The following HHAT variants were observed in gnomAD, a reference collection of about 807,000 sequenced individuals.
HHAT encodes protein-cysteine N-palmitoyltransferase HHAT.
Under a neutral mutation model 70.8 loss-of-function variants are expected in HHAT, and 47 were observed. The observed-to-expected ratio is 0.66, with a 90% CI of 0.53 to 0.85. The LOEUF (loss-of-function observed/expected upper bound fraction) is 0.85. Among genes scored for constraint, HHAT ranks in the 40% least tolerant of loss-of-function variants. HHAT has a pLI of 0.00. For missense variants in HHAT, 609 were observed against 604.8 expected, an observed-to-expected ratio of 1.01 and a Z score of -0.07; for synonymous variants, 228 against 247.6, an observed-to-expected ratio of 0.92 and a Z score of 0.74.
At chr1:210,510,250 G>GAGGA (rs1392308163) in intron 8 of HHAT, among the ~76,000 whole-genome samples, 2 of 152,184 alleles carry the variant, frequency 1.3e-5, no homozygotes, top group Non-Finnish European at 2.9e-5. Flanking sequence ...CCATTTCTAT[G>GAGGA]AGGAAGGGCA....
At chr1:210,376,714 A>G (rs2090253242) in intron 3 of HHAT, among the ~76,000 whole-genome samples, 1 of 152,084 alleles carries the variant, frequency 6.6e-6, no homozygotes, top group Admixed American at 6.5e-5. Flanking sequence ...TGTCTCTTGG[A>G]CAGCTTGGGC....
intron 7 of HHAT, among the ~76,000 whole-genome samples, chr1:210,435,928 T>C (rs1053436830): frequency 2.0e-5 from 3 of 151,920 alleles, no homozygotes; most frequent in Admixed American, 6.6e-5. Context: ...TTCACTTTGT[T>C]GATTGTTTCT....
intron 9 of HHAT, among the ~76,000 whole-genome samples, chr1:210,521,559 A>G (rs1004430427): frequency 1.3e-5 from 2 of 152,230 alleles, no homozygotes; most frequent in African/African-American, 4.8e-5. Context: ...CCACAAGTCT[A>G]TCACCACATT....
At chr1:210,336,668 C>G (rs2085527405) in intron 1 of HHAT, among the ~76,000 whole-genome samples, 1 of 151,996 alleles carries the variant, frequency 6.6e-6, no homozygotes, top group Admixed American at 6.6e-5. Flanking sequence ...CCTGCAATCC[C>G]AGCTACTCCT....
intron 11 of HHAT, among the ~76,000 whole-genome samples, chr1:210,642,408 T>C (rs1237121564): frequency 6.6e-6 from 1 of 152,214 alleles, no homozygotes; most frequent in Non-Finnish European, 1.5e-5. Context: ...ATAATATGTG[T>C]ATGTTCAGCT....
chr1:210,380,018 C>A (rs750655026), intron 3 of HHAT, among the ~76,000 whole-genome samples: 1 of 152,154 alleles, frequency 6.6e-6, no homozygotes, highest in South Asian at 2.1e-4. Context: ...GGGCAGATAC[C>A]GGATGCTCCA....
At chr1:210,660,106 G>T (rs1175932119) in intron 11 of HHAT, among the ~76,000 whole-genome samples, 1 of 152,130 alleles carries the variant, frequency 6.6e-6, no homozygotes, top group Non-Finnish European at 1.5e-5. Flanking sequence ...ATTCAATTAG[G>T]AAAAGAGGAA....
chr1:210,557,735 A>G (rs2095585502), intron 9 of HHAT, among the ~76,000 whole-genome samples: 1 of 152,236 alleles, frequency 6.6e-6, no homozygotes, highest in Admixed American at 6.5e-5. Context: ...AGGAAAGACC[A>G]GGCCCTGTGA....
At chr1:210,452,697 T>G (rs1258642913) in intron 7 of HHAT, among the ~76,000 whole-genome samples, 1 of 152,244 alleles carries the variant, frequency 6.6e-6, no homozygotes, top group Non-Finnish European at 1.5e-5. Context: ...ACTTGAGGTT[T>G]TTCTTTAAAA....
intron 9 of HHAT, among the ~76,000 whole-genome samples, chr1:210,542,258 G>A (rs992341924): frequency 6.6e-6 from 1 of 152,134 alleles, no homozygotes; most frequent in Non-Finnish European, 1.5e-5. Flanking sequence ...GAATAAATAG[G>A]TAGGGGTGGG....
At chr1:210,550,048 A>C (rs1344459393) in intron 9 of HHAT, among the ~76,000 whole-genome samples, 1 of 149,008 alleles carries the variant, frequency 6.7e-6, no homozygotes, top group Non-Finnish European at 1.5e-5. Flanking sequence ...GCCGATTTTC[A>C]ACTGCAAGCC....
chr1:210,644,446 T>C lies in HHAT; in HGVS notation c.1390+20776T>C, dbSNP rs953043796. On this transcript the variant is annotated intron_variant, in intron 11 of 11. Coordinates refer to ENST00000261458, the MANE Select transcript of HHAT (RefSeq NM_018194.6). ...GGTGAAATCCCGTCTCTACTAAAAA[T>C]ATAAAAATTAGCTAGGCGTGGTGGT... Among the ~76,000 whole-genome samples the C allele has an allele frequency of 2.5e-4, 38 of 151,746 alleles. 1 individual carries two copies. In the East Asian group the frequency reaches 7.0e-3, roughly 28 times the overall value.
At chr1:210,609,067 C>T (rs966792410) in intron 10 of HHAT, among the ~76,000 whole-genome samples, 2 of 152,168 alleles carry the variant, frequency 1.3e-5, no homozygotes, top group Admixed American at 1.3e-4. Flanking sequence ...GACTCAATGA[C>T]CTCCACCTGG....
chr1:210,655,178 G>A (rs1297363142), intron 11 of HHAT, among the ~76,000 whole-genome samples: 1 of 152,188 alleles, frequency 6.6e-6, no homozygotes, highest in African/African-American at 2.4e-5. Flanking sequence ...AGATTACCAG[G>A]AAGAGAATAA....
intron 9 of HHAT, among the ~76,000 whole-genome samples, chr1:210,587,161 G>A (rs1478904277): frequency 1.3e-5 from 2 of 152,174 alleles, no homozygotes. Context: ...TGCTGTATTA[G>A]TCCATTTTCA....
chr1:210,399,319 C>T (rs542314505), intron 4 of HHAT, among the ~76,000 whole-genome samples: 3 of 152,174 alleles, frequency 2.0e-5, no homozygotes, highest in East Asian at 3.9e-4. Context: ...TGCAATGGTG[C>T]GATCTCGGCT....
At chr1:210,386,222 C>CTTTTTTCTTTTTT (rs1558409107) in intron 3 of HHAT, among the ~76,000 whole-genome samples, 14 of 69,878 alleles carry the variant, frequency 2.0e-4, no homozygotes, top group African/African-American at 6.4e-4. Context: ...GAGTCCTTTT[C>CTTTTTTCTTTTTT]TTTTTTTCTT....
intron 9 of HHAT, among the ~76,000 whole-genome samples, chr1:210,581,739 A>G (rs902782619): frequency 2.6e-5 from 4 of 152,188 alleles, no homozygotes; most frequent in South Asian, 4.1e-4. Context: ...GTGTCTTCCA[A>G]AGTCTCCCAG....
At chr1:210,587,316 G>T (rs932818074) in intron 9 of HHAT, among the ~76,000 whole-genome samples, 1 of 152,206 alleles carries the variant, frequency 6.6e-6, no homozygotes. Context: ...ATGGCGCCAG[G>T]CCGGAGAGCA....
Sources: allele counts gnomAD v4.1 joint callset (sites outside exome capture counted in the v4.1 genomes callset), GRCh38; gene constraint gnomAD v4.1.1; transcripts MANE v1.5; gene names NCBI Gene and HGNC (gene_info 2026-07-23, HGNC 2026-07-21).